The following TRIM33 variants were observed in gnomAD, a reference collection of about 807,000 sequenced individuals.
TRIM33 encodes tripartite motif containing 33, also known as E3 ubiquitin-protein ligase TRIM33.
TRIM33 carries 20 observed loss-of-function variants against 125.4 expected under a neutral mutation model. The observed-to-expected ratio is 0.16, with a 90% CI of 0.11 to 0.23. The LOEUF is 0.23. TRIM33 is among the 10% of genes least tolerant of loss of function. The pLI, the probability that TRIM33 is intolerant of heterozygous loss-of-function variation, is 1.00. For synonymous variants in TRIM33, 564 were observed against 513.9 expected, an observed-to-expected ratio of 1.10 and a Z score of -1.32; for missense variants, 920 against 1,411.4, an observed-to-expected ratio of 0.65 and a Z score of 5.58.
Position 114,397,602 on chromosome 1 carries a change from T to TTC in TRIM33, c.*45_*46insGA. 8.7e-7 allele frequency: 1 copy of TTC among 1,155,364 alleles called. No individual in the cohort carries two copies. The highest frequency in any genetic ancestry group is 1.2e-6 in the Non-Finnish European group (1 of 810,092). The allele number at this position is 1,155,364 out of a possible 1,614,324, so 71.6% of individuals were successfully genotyped here. A position where few individuals can be genotyped will look rare whatever the true frequency, so the allele number is the denominator to read the frequency against. On this transcript the variant is annotated 3_prime_UTR_variant, in exon 20 of 20. Transcript: ENST00000358465. ...TGGGTTTTTTGTGTTTTTTTTTTTT[T>TTC]TTTCGTTTTTTTTTTTTTAAACAAT...
chr1:114,464,748 G>A (rs1299850075), intron 1 of TRIM33, among the ~76,000 whole-genome samples: 2 of 152,164 alleles, frequency 1.3e-5, no homozygotes, highest in Non-Finnish European at 2.9e-5. Context: ...TTGTCCAGCG[G>A]GTCCTAAACG....
chr1:114,398,862 T>C (rs1321863667), intron 18 of TRIM33, among the ~76,000 whole-genome samples: 20 of 148,242 alleles, frequency 1.3e-4, no homozygotes, highest in African/African-American at 5.0e-4. Flanking sequence ...ATATAATACA[T>C]TTCTTCTCAA....
intron 1 of TRIM33, among the ~76,000 whole-genome samples, chr1:114,471,937 G>A (rs1570616891): frequency 6.6e-6 from 1 of 152,176 alleles, no homozygotes; most frequent in Non-Finnish European, 1.5e-5. Context: ...AACACATTTA[G>A]TGAAAAAAAC....
rs78593296 is a variant in TRIM33, at chr1:114,396,885, T to C, written c.*763A>G. ...ATAACTGTATGATCACATGATTTGA[T>C]TGGGAAGTACAATTGTGAGGAAGTG... On this transcript the variant is annotated 3_prime_UTR_variant, in exon 20 of 20. Coordinates refer to ENST00000358465, the MANE Select transcript of TRIM33 (RefSeq NM_015906.4). The C allele has an allele frequency of 3.6e-4, 75 of 211,018 alleles. No homozygotes were observed. The highest frequency in any genetic ancestry group is 2.5e-3 in the East Asian group (35 of 13,982). The allele number at this position is 211,018 out of a possible 1,614,324, so 13.1% of individuals were successfully genotyped here. A position where few individuals can be genotyped will look rare whatever the true frequency, so the allele number is the denominator to read the frequency against.
chr1:114,480,476 T>TAAAAAAAAAA (rs61241613), intron 1 of TRIM33, among the ~76,000 whole-genome samples: 2 of 77,868 alleles, frequency 2.6e-5, no homozygotes, highest in Non-Finnish European at 2.4e-5. Flanking sequence ...ATGATCAATT[T>TAAAAAAAAAA]AAAAAAAAAA....
At position 114,423,870 on chromosome 1, in the gene TRIM33, T is replaced by C. The variant is rs962229139; in HGVS notation, c.1860+721A>G. On this transcript the variant is annotated intron_variant, in intron 10 of 19. Coordinates refer to ENST00000358465, the MANE Select transcript of TRIM33 (RefSeq NM_015906.4). Reference sequence around the variant, plus strand: ...TCCCCACCTAGAAATTCTGATTCAGTGGTTATGGCTAGGAATCCATTCTGA... The same window carrying C: ...TCCCCACCTAGAAATTCTGATTCAGCGGTTATGGCTAGGAATCCATTCTGA... Among the ~76,000 whole-genome samples the C allele has an allele frequency of 3.9e-5, 6 of 152,246 alleles. 1 individual carries two copies. In the East Asian group the frequency reaches 1.2e-3, roughly 29 times the overall value.
intron 1 of TRIM33, among the ~76,000 whole-genome samples, chr1:114,493,537 A>T (rs1345850235): frequency 6.6e-6 from 1 of 152,114 alleles, no homozygotes; most frequent in Non-Finnish European, 1.5e-5. Context: ...CTCCCACCTC[A>T]GCCTACCAAA....
intron 4 of TRIM33, among the ~76,000 whole-genome samples, chr1:114,449,163 T>TA (rs71580620): frequency 0.13 from 20,309 of 150,618 alleles, 1,769 homozygotes; most frequent in Non-Finnish European, 0.19. Flanking sequence ...AAGAATGGTC[T>TA]AAAAAAAACA....
At position 114,424,584 on chromosome 1, in the gene TRIM33, G is replaced by A. The variant is rs1294150525; in HGVS notation, c.1860+7C>T. 2 of 1,545,712 alleles carry A rather than the reference G, an allele frequency of 1.3e-6. No individual in the cohort carries two copies. The highest frequency in any genetic ancestry group is 1.7e-6 in the Non-Finnish European group (2 of 1,148,400). On this transcript the variant is annotated splice_region_variant and intron_variant, in intron 10 of 19. Transcript: ENST00000358465. Reference sequence around the variant, plus strand: ...TAGGATTCTTACAAATGTAACTCTAGGCATACTTGTCTTTGGAGGTGTGGC... The same window carrying A: ...TAGGATTCTTACAAATGTAACTCTAAGCATACTTGTCTTTGGAGGTGTGGC...
intron 17 of TRIM33, 149 bp from the exon 18 acceptor site, chr1:114,399,758 T>A (rs1266866807): frequency 4.9e-6 from 3 of 606,122 alleles, no homozygotes; most frequent in African/African-American, 3.8e-5. Context: ...GTACTTTACA[T>A]CTTCATGAAA....
chr1:114,462,591 C>T (rs1650063862), intron 4 of TRIM33, among the ~76,000 whole-genome samples: 1 of 152,034 alleles, frequency 6.6e-6, no homozygotes, highest in African/African-American at 2.4e-5. Flanking sequence ...TCATATGAAA[C>T]ACACTCCTAG....
chr1:114,405,078 G>C (rs537139819), intron 15 of TRIM33: 41 of 181,650 alleles, frequency 2.3e-4, no homozygotes, highest in African/African-American at 9.4e-4. Context: ...CTGATAATTA[G>C]TGAATTGCTC....
At chr1:114,485,328 A>C (rs544877265) in intron 1 of TRIM33, among the ~76,000 whole-genome samples, 22 of 152,056 alleles carry the variant, frequency 1.4e-4, no homozygotes, top group African/African-American at 4.1e-4. Context: ...CCTACTCCTC[A>C]ATATCAGTAG....
chr1:114,471,612 G>C (rs548535891), intron 1 of TRIM33, among the ~76,000 whole-genome samples: 2 of 152,004 alleles, frequency 1.3e-5, no homozygotes, highest in East Asian at 3.9e-4. Flanking sequence ...CAAACATACA[G>C]CAGCAACTGC....
intron 11 of TRIM33, among the ~76,000 whole-genome samples, chr1:114,415,263 C>T (rs1466932656): frequency 1.3e-5 from 2 of 152,096 alleles, no homozygotes; most frequent in African/African-American, 4.8e-5. Context: ...CCTCAAAGTG[C>T]TGGGACTACA....
chr1:114,407,764 T>C (rs1374646437), intron 13 of TRIM33, among the ~76,000 whole-genome samples: 1 of 152,096 alleles, frequency 6.6e-6, no homozygotes, highest in Non-Finnish European at 1.5e-5. Context: ...ATAAAGGTAA[T>C]AACAATAAAA....
At position 114,511,020 on chromosome 1, in the gene TRIM33, G is replaced by A. The variant is rs1279635264; in HGVS notation, c.57C>T (p.Ser19=). The change falls in exon 1 of 20, where the codon AGC becomes AGT. Residue 19 remains serine (S), a synonymous_variant. Transcript: ENST00000358465. The part of the protein sequence containing the change: ...EAESGGGGSG[S]APVTAGAAGP... ...CGGCGGCCCCGGCAGTTACCGGCGC[G>A]CTGCCGCTGCCCCCGCCGCCGCTCT... 7 of 1,319,900 alleles carry A rather than the reference G, an allele frequency of 5.3e-6. 1 individual carries two copies. The South Asian group carries it at 1.1e-4, about 21-fold the overall frequency. 81.8% of individuals were successfully genotyped at this position (1,319,900 alleles called of 1,614,324 possible). A position where few individuals can be genotyped will look rare whatever the true frequency, so the allele number is the denominator to read the frequency against.
At chr1:114,473,650 T>C (rs1160379670) in intron 1 of TRIM33, among the ~76,000 whole-genome samples, 3 of 152,086 alleles carry the variant, frequency 2.0e-5, no homozygotes, top group Non-Finnish European at 4.4e-5. Flanking sequence ...GATTGCTTTA[T>C]GAGGAAGTTT....
At chr1:114,491,223 C>CA (rs1173698370) in intron 1 of TRIM33, among the ~76,000 whole-genome samples, 17 of 152,032 alleles carry the variant, frequency 1.1e-4, no homozygotes. Context: ...GACTTCAGAA[C>CA]AAAAATCAAA....
Sources: gnomAD v4.1 joint callset for allele counts (sites outside exome capture counted in the v4.1 genomes callset) on GRCh38, gnomAD v4.1.1 for gene constraint, MANE v1.5 for transcripts, NCBI Gene and HGNC (gene_info 2026-07-23, HGNC 2026-07-21) for gene names.